Variants in SULF2 observed in about 807,000 individuals in gnomAD.
SULF2 encodes sulfatase 2, also known as extracellular sulfatase Sulf-2.
Under a neutral mutation model 107.7 loss-of-function variants are expected in SULF2, and 52 were observed. The observed-to-expected ratio is 0.48, with a 90% confidence interval of 0.39 to 0.61. The LOEUF (loss-of-function observed/expected upper bound fraction) is 0.61. SULF2 is among the 20% of genes least tolerant of loss of function. The pLI is 0.00. For synonymous variants in SULF2, 460 were observed against 464.3 expected, an observed-to-expected ratio of 0.99 and a Z score of 0.12; for missense variants, 993 against 1,177.3, an observed-to-expected ratio of 0.84 and a Z score of 2.29.
intron 4 of SULF2, among the ~76,000 whole-genome samples, chr20:47,692,611 G>A (rs993978100): frequency 1.3e-5 from 2 of 151,846 alleles, no homozygotes; most frequent in African/African-American, 2.4e-5. Flanking sequence ...GTAGAGACAG[G>A]GTCTCTACAG....
In SULF2 at chr20:47,715,580, C is replaced by T. The variant is rs114210356; in HGVS notation, c.416-12910G>A. Among the ~76,000 whole-genome samples the T allele has an allele frequency of 8.7e-3, 906 of 103,574 alleles. 11 individuals carry two copies. Among genetic ancestry groups the T allele is most frequent in the African/African-American group, 0.025 (845 of 33,852 alleles). 67.9% of individuals were successfully genotyped at this position (103,574 alleles called of 152,430 possible). ...GAGACACAGCTGAGTGAGGGAATGT[C>T]GATTTTTTTTTTTTTTTTTGAGATG... On this transcript the variant is annotated intron_variant, in intron 3 of 20. Transcript: ENST00000688720.
At position 47,785,454 on chromosome 20, in the gene SULF2, C is replaced by CGCTGCTGCT. The variant is rs1333087154; in HGVS notation, c.-213_-212insAGCAGCAGC. On this transcript the variant is annotated 5_prime_UTR_variant, in exon 1 of 21. Coordinates refer to ENST00000688720, the MANE Select transcript of SULF2 (RefSeq NM_001387048.1). ...GACTCCGCGCCGCCGCTGCCGCTGC[C>CGCTGCTGCT]GCCGCCGCCGCCGCCGCTGCCGCTG... 3.9e-5 allele frequency: 6 copies of CGCTGCTGCT among 153,296 alleles called. No homozygotes were observed. Among genetic ancestry groups the CGCTGCTGCT allele is most frequent in the African/African-American group, 1.5e-4 (6 of 38,780 alleles). The allele number at this position is 153,296 out of a possible 1,614,324, so 9.5% of individuals were successfully genotyped here.
intron 10 of SULF2, among the ~76,000 whole-genome samples, chr20:47,675,331 C>A (rs1369108995): frequency 2.0e-5 from 3 of 152,182 alleles, no homozygotes; most frequent in Admixed American, 6.5e-5. Context: ...TGGCCCTGCG[C>A]CTAGGACAGT....
At chr20:47,738,999 G>C (rs1173341992) in intron 2 of SULF2, among the ~76,000 whole-genome samples, 1 of 152,158 alleles carries the variant, frequency 6.6e-6, no homozygotes, top group African/African-American at 2.4e-5. Context: ...CATTCAAAGG[G>C]AAGCAGAGAC....
In SULF2 at chr20:47,719,919, TA is replaced by T. The variant is rs372195350; in HGVS notation, c.415+16783del. On this transcript the variant is annotated intron_variant, in intron 3 of 20. Transcript: ENST00000688720. ...CTCCACCATGCAGGAATGTTACCAG[TA>T]ATGGCAATACCATCATTATCATTAT... Among the ~76,000 whole-genome samples, 191 of 152,342 alleles carry T rather than the reference TA, an allele frequency of 1.3e-3. 1 individual carries two copies. In the East Asian group the frequency reaches 0.019, roughly 15 times the overall value.
intron 2 of SULF2, among the ~76,000 whole-genome samples, 191 bp downstream of exon 2, chr20:47,756,998 G>A (rs909069174): frequency 6.6e-6 from 1 of 152,202 alleles, no homozygotes; most frequent in Non-Finnish European, 1.5e-5. Flanking sequence ...AACTGGAGAA[G>A]GGTAGAGACC....
chr20:47,781,053 C>T (rs983145098), intron 1 of SULF2, among the ~76,000 whole-genome samples: 1 of 152,266 alleles, frequency 6.6e-6, no homozygotes, highest in Non-Finnish European at 1.5e-5. Context: ...TAAACAAATA[C>T]AGCCAGATGA....
chr20:47,772,003 C>T (rs915760396), intron 1 of SULF2, among the ~76,000 whole-genome samples: 2 of 152,180 alleles, frequency 1.3e-5, no homozygotes, highest in Non-Finnish European at 2.9e-5. Context: ...TGATCTGCTC[C>T]GAAAGGGATG....
At chr20:47,717,264 G>A (rs1408293422) in intron 3 of SULF2, among the ~76,000 whole-genome samples, 1 of 151,990 alleles carries the variant, frequency 6.6e-6, no homozygotes, top group African/African-American at 2.4e-5. Flanking sequence ...CCTTTTTTTG[G>A]TCCCTATTTT....
chr20:47,773,184 C>G (rs971080329), intron 1 of SULF2, among the ~76,000 whole-genome samples: 3 of 152,224 alleles, frequency 2.0e-5, no homozygotes, highest in Non-Finnish European at 2.9e-5. Flanking sequence ...TGCTAAGAAA[C>G]AGCAGTGGCC....
Position 47,663,463 on chromosome 20 carries a change from A to G in SULF2, c.2217T>C (p.Pro739=), listed in dbSNP as rs774917849. 6.2e-7 allele frequency: 1 copy of G among 1,609,014 alleles called. No homozygotes were observed. The highest frequency in any genetic ancestry group is 2.2e-5 in the East Asian group (1 of 44,874). ...CCTGGGCTTGCTCACGTGTCCAGAA[A>G]GGCGCCGTCTGCCAGTGCTGGTTGT... is the stretch of plus-strand genomic sequence containing the variant. The part of the protein sequence containing the change: ...THDNQHWQTA[P]FWTLGPFCAC... Residue 739 remains proline, a synonymous_variant, in exon 16 of 21, where the codon CCT becomes CCC. Coordinates refer to ENST00000688720, the MANE Select transcript of SULF2 (RefSeq NM_001387048.1).
chr20:47,670,960 G>A (rs2087449923), intron 11 of SULF2, among the ~76,000 whole-genome samples: 1 of 152,080 alleles, frequency 6.6e-6, no homozygotes, highest in African/African-American at 2.4e-5. Context: ...TACGTGGGAA[G>A]CTGCCCAGCC....
rs1445352044 is a variant in SULF2 at position 47,785,408 on chromosome 20, G to GCCGGGCCGCTGGGCGCAGGGGACT, written c.-190_-167dup. Reference sequence around the variant, plus strand: ...CCGCCGCCGCCTCTGCCGCAGCCCGGCCGGGCCGCTGGGCGCAGGGGACTC... The same window carrying GCCGGGCCGCTGGGCGCAGGGGACT: ...CCGCCGCCGCCTCTGCCGCAGCCCGGCCGGGCCGCTGGGCGCAGGGGACTCCGGGCCGCTGGGCGCAGGGGACTC... On this transcript the variant is annotated 5_prime_UTR_variant, in exon 1 of 21. Transcript: ENST00000688720. 6.9e-6 allele frequency: 1 copy of GCCGGGCCGCTGGGCGCAGGGGACT among 145,388 alleles called. No homozygotes were observed. Among genetic ancestry groups the GCCGGGCCGCTGGGCGCAGGGGACT allele is most frequent in the Non-Finnish European group, 1.5e-5 (1 of 65,602 alleles). 9.0% of individuals were successfully genotyped at this position (145,388 alleles called of 1,614,324 possible).
intron 3 of SULF2, among the ~76,000 whole-genome samples, chr20:47,729,801 A>G (rs1033299476): frequency 7.9e-5 from 12 of 152,144 alleles, no homozygotes; most frequent in South Asian, 2.1e-4. Flanking sequence ...GGCTAAGGGT[A>G]GATCCAGAGA....
At chr20:47,659,961 A>G (rs1320629060) in intron 18 of SULF2, among the ~76,000 whole-genome samples, 1 of 152,192 alleles carries the variant, frequency 6.6e-6, no homozygotes, top group African/African-American at 2.4e-5. Flanking sequence ...CACCATGATC[A>G]GTTTCAGGAC....
intron 18 of SULF2, among the ~76,000 whole-genome samples, chr20:47,661,246 C>T (rs946989889): frequency 5.9e-5 from 9 of 152,112 alleles, no homozygotes; most frequent in Admixed American, 1.3e-4. Context: ...CAGCCCTCCA[C>T]GTTTTCTCAG....
chr20:47,731,210 T>TTTTTTTTTTTTTG (rs1491437167), intron 3 of SULF2, among the ~76,000 whole-genome samples: 1 of 135,714 alleles, frequency 7.4e-6, no homozygotes, highest in African/African-American at 3.1e-5. Context: ...TTTTTTTTTT[T>TTTTTTTTTTTTTG]GAGACAGAGT....
chr20:47,722,075 G>A (rs894360056), intron 3 of SULF2, among the ~76,000 whole-genome samples: 1 of 152,216 alleles, frequency 6.6e-6, no homozygotes, highest in African/African-American at 2.4e-5. Context: ...CCAACCCAAT[G>A]ACAGAAAACG....
At chr20:47,714,256 G>T (rs2089032287) in intron 3 of SULF2, among the ~76,000 whole-genome samples, 1 of 152,180 alleles carries the variant, frequency 6.6e-6, no homozygotes, top group South Asian at 2.1e-4. Context: ...TGTATCATTT[G>T]GACCGCTGCA....
Sources: gnomAD v4.1 joint callset for allele counts (sites outside exome capture counted in the v4.1 genomes callset) on GRCh38, gnomAD v4.1.1 for gene constraint, MANE v1.5 for transcripts, NCBI Gene and HGNC (gene_info 2026-07-23, HGNC 2026-07-21) for gene names.